Variants in FAM114A1 observed in about 807,000 individuals in gnomAD.
The protein encoded by FAM114A1 is protein NOXP20.
In FAM114A1, 62 loss-of-function variants were observed where a neutral mutation model predicts 64.3. That is an observed-to-expected ratio of 0.96 (90% CI 0.79 to 1.19). The LOEUF is 1.19. Among genes scored for constraint, FAM114A1 ranks in the 50% most tolerant of loss-of-function variants. The pLI is 0.00. For missense variants in FAM114A1, 645 were observed against 676.3 expected (o/e 0.95, Z 0.51); for synonymous variants, 254 against 251.1 (o/e 1.01, Z -0.11).
chr4:38,942,294 C>T (rs1464913701), intron 14 of FAM114A1, among the ~76,000 whole-genome samples: 1 of 152,032 alleles, frequency 6.6e-6, no homozygotes, highest in Non-Finnish European at 1.5e-5. Flanking sequence ...AGGAAAACGA[C>T]AAAGGTACAG....
At chr4:38,896,879 T>C (rs577185577) in intron 4 of FAM114A1, among the ~76,000 whole-genome samples, 12 of 152,322 alleles carry the variant, frequency 7.9e-5, no homozygotes, top group East Asian at 3.9e-4. Context: ...TCAATTGCAA[T>C]TGATGTCTAC....
chr4:38,901,795 C>T (rs1717550901), intron 4 of FAM114A1, among the ~76,000 whole-genome samples: 1 of 152,134 alleles, frequency 6.6e-6, no homozygotes, highest in South Asian at 2.1e-4. Flanking sequence ...TACACAGTGT[C>T]TTGAGAATAC....
chr4:38,873,046 A>T (rs780421309), intron 2 of FAM114A1, among the ~76,000 whole-genome samples: 44 of 152,186 alleles, frequency 2.9e-4, no homozygotes, highest in Non-Finnish European at 5.7e-4. Flanking sequence ...CTCACCTCCC[A>T]TAAACCACCC....
At chr4:38,921,539 G>A in intron 8 of FAM114A1, among the ~76,000 whole-genome samples, 1 of 152,202 alleles carries the variant, frequency 6.6e-6, no homozygotes, top group East Asian at 1.9e-4. Context: ...TGGGATTACA[G>A]GGGTGAACCA....
At chr4:38,894,709 GT>G (rs1259344907) in intron 4 of FAM114A1, among the ~76,000 whole-genome samples, 2 of 152,166 alleles carry the variant, frequency 1.3e-5, no homozygotes, top group African/African-American at 4.8e-5. Context: ...TAAACACGTG[GT>G]TTCTCTGAGA....
At position 38,882,679 on chromosome 4, in the gene FAM114A1, C is replaced by T. The variant is rs188547318; in HGVS notation, c.348+4253C>T. ...TGCTTGCTTTACTAAAAAAAGAAAACGGGCAGAATAGACTTTGAGGACGTA... is the reference window on the plus strand; with the variant it reads ...TGCTTGCTTTACTAAAAAAAGAAAATGGGCAGAATAGACTTTGAGGACGTA... On this transcript the variant is annotated intron_variant, in intron 3 of 14. Coordinates refer to ENST00000358869, the MANE Select transcript of FAM114A1 (RefSeq NM_138389.4). Among the ~76,000 whole-genome samples the T allele has an allele frequency of 1.9e-3, 288 of 152,148 alleles. 4 individuals are homozygous for T. The highest frequency in any genetic ancestry group is 0.018 in the Admixed American group (273 of 15,282).
Position 38,905,823 on chromosome 4 carries a change from G to C in FAM114A1, c.619G>C (p.Gly207Arg), listed in dbSNP as rs976663662. ...CACTTCCCCTTCATCAGCCTCTCGG[G>C]GTATGCTGTCTGCCATCACCAATGT... Reference protein sequence around the residue: ...PPTSPSSASRGMLSAITNVVQ... With the variant: ...PPTSPSSASRRMLSAITNVVQ... The change falls in exon 6 of 15, where the codon GGT becomes CGT. Residue 207 changes from glycine to arginine, a missense_variant. Coordinates refer to ENST00000358869, the MANE Select transcript of FAM114A1 (RefSeq NM_138389.4). 4 of 1,613,904 alleles carry C rather than the reference G, an allele frequency of 2.5e-6. No individual in the cohort carries two copies. The highest frequency in any genetic ancestry group is 3.4e-6 in the Non-Finnish European group (4 of 1,179,968).
chr4:38,940,361 G>T (rs1001951762), intron 13 of FAM114A1, among the ~76,000 whole-genome samples: 2 of 138,812 alleles, frequency 1.4e-5, no homozygotes, highest in Non-Finnish European at 3.1e-5. Context: ...TTCTATGTTT[G>T]CATTTAAAAG....
intron 3 of FAM114A1, among the ~76,000 whole-genome samples, chr4:38,889,282 T>C (rs538247870): frequency 6.6e-6 from 1 of 152,312 alleles, no homozygotes; most frequent in African/African-American, 2.4e-5. Context: ...GCTACTGGAT[T>C]CCATTGCTGA....
At chr4:38,932,209 T>G in intron 11 of FAM114A1, 26 bp from the exon 12 acceptor site, 1 of 1,571,760 alleles carries the variant, frequency 6.4e-7, no homozygotes, top group Non-Finnish European at 8.6e-7. Context: ...AGTAAAAAAT[T>G]TCTTGCTTGT....
At chr4:38,922,534 G>A (rs1719700524) in intron 8 of FAM114A1, among the ~76,000 whole-genome samples, 1 of 152,160 alleles carries the variant, frequency 6.6e-6, no homozygotes, top group East Asian at 1.9e-4. Flanking sequence ...TTCACATTTT[G>A]TATCTCATTT....
chr4:38,932,449 C>T lies in FAM114A1; in HGVS notation c.1463+75C>T, dbSNP rs947605268. ...TACCATTCAGATACACACATACACA[C>T]CCACACCCTCTAAGCCACTAGAAGA... On this transcript the variant is annotated intron_variant, in intron 12 of 14. Coordinates refer to ENST00000358869, the MANE Select transcript of FAM114A1 (RefSeq NM_138389.4). The T allele has an allele frequency of 1.2e-5, 16 of 1,367,744 alleles. No homozygotes were observed. In the Admixed American group the frequency reaches 4.2e-4, roughly 35 times the overall value. 84.7% of individuals were successfully genotyped at this position (1,367,744 alleles called of 1,614,324 possible). A position where few individuals can be genotyped will look rare whatever the true frequency, so the allele number is the denominator to read the frequency against.
intron 10 of FAM114A1, among the ~76,000 whole-genome samples, chr4:38,930,785 C>T (rs1720562065): frequency 6.6e-6 from 1 of 152,186 alleles, no homozygotes; most frequent in Non-Finnish European, 1.5e-5. Flanking sequence ...GAATAACAGG[C>T]AGGGGAGGAG....
chr4:38,876,159 A>AT (rs1714599426), intron 2 of FAM114A1, among the ~76,000 whole-genome samples: 1 of 125,218 alleles, frequency 8.0e-6, no homozygotes, highest in African/African-American at 3.1e-5. Flanking sequence ...TTCTAGACTT[A>AT]TTCTTTTTTC....
chr4:38,910,793 G>A (rs928521284), intron 7 of FAM114A1, among the ~76,000 whole-genome samples: 35 of 152,202 alleles, frequency 2.3e-4, no homozygotes, highest in Admixed American at 2.3e-3. Context: ...ACACAGAACA[G>A]CAGGATGCCC....
chr4:38,905,725 A>G, intron 5 of FAM114A1, 30 bp from the exon 6 acceptor site: 1 of 1,610,784 alleles, frequency 6.2e-7, no homozygotes, highest in Non-Finnish European at 8.5e-7. Flanking sequence ...AGCGACGTGA[A>G]CTCTTAAAGG....
chr4:38,936,832 G>A (rs1022419016), intron 13 of FAM114A1, among the ~76,000 whole-genome samples: 1 of 152,208 alleles, frequency 6.6e-6, no homozygotes, highest in Non-Finnish European at 1.5e-5. Context: ...TTACAGGCAT[G>A]AGCCACCGCG....
chr4:38,921,772 G>A (rs1440893691), intron 8 of FAM114A1, among the ~76,000 whole-genome samples: 1 of 152,138 alleles, frequency 6.6e-6, no homozygotes, highest in East Asian at 1.9e-4. Flanking sequence ...AGTTGTTCTT[G>A]GTTGACACAG....
intron 2 of FAM114A1, among the ~76,000 whole-genome samples, chr4:38,869,719 GT>G (rs1183336699): frequency 1.1e-3 from 161 of 141,116 alleles, no homozygotes; most frequent in Admixed American, 1.6e-3. Context: ...CACTGTTTTT[GT>G]TTTTTTTTTT....
Sources: allele counts gnomAD v4.1 joint callset (sites outside exome capture counted in the v4.1 genomes callset), GRCh38; gene constraint gnomAD v4.1.1; transcripts MANE v1.5; gene names NCBI Gene and HGNC (gene_info 2026-07-23, HGNC 2026-07-21).